CCSER1: variants seen among roughly 807,000 people sequenced by gnomAD.
CCSER1 encodes serine-rich coiled-coil domain-containing protein 1.
CCSER1 carries 41 observed loss-of-function variants against 82.0 expected under a neutral mutation model. That is an observed-to-expected ratio of 0.50 (90% CI 0.39 to 0.65). CCSER1 has a LOEUF of 0.65. CCSER1 is among the 30% of genes least tolerant of loss of function. CCSER1 has a pLI of 0.00. For synonymous variants in CCSER1, 414 were observed against 383.9 expected, an observed-to-expected ratio of 1.08 and a Z score of -0.92; for missense variants, 1,119 against 1,064.2, an observed-to-expected ratio of 1.05 and a Z score of -0.72.
At chr4:90,479,040 T>A (rs1177591146) in intron 5 of CCSER1, among the ~76,000 whole-genome samples, 1 of 152,128 alleles carries the variant, frequency 6.6e-6, no homozygotes, top group Admixed American at 6.5e-5. Context: ...CGCGGGCCTG[T>A]ACTTTCTTTT....
intron 8 of CCSER1, among the ~76,000 whole-genome samples, chr4:90,891,623 A>G (rs750157015): frequency 7.2e-5 from 11 of 152,020 alleles, no homozygotes; most frequent in Non-Finnish European, 1.6e-4. Flanking sequence ...ATATATGCCA[A>G]TGTATCAAAA....
intron 5 of CCSER1, among the ~76,000 whole-genome samples, chr4:90,477,804 C>T (rs773086291): frequency 2.6e-5 from 4 of 151,476 alleles, no homozygotes; most frequent in African/African-American, 7.3e-5. Flanking sequence ...TCTTTTATTT[C>T]GAAGGTAGAA....
In CCSER1 at chr4:90,230,117, G is replaced by A. The variant is rs574800232; in HGVS notation, c.-41-78127G>A. Reference sequence around the variant, plus strand: ...AGTTGGACTCAGCTCTGCACCAAGCGGACCTAATAGACATCTACAGAACTC... The same window carrying A: ...AGTTGGACTCAGCTCTGCACCAAGCAGACCTAATAGACATCTACAGAACTC... On this transcript the variant is annotated intron_variant, in intron 1 of 10. Transcript: ENST00000509176. Among the ~76,000 whole-genome samples, 83 of 152,100 alleles carry A rather than the reference G, an allele frequency of 5.5e-4. 1 individual carries two copies. Among genetic ancestry groups the A allele is most frequent in the South Asian group, 4.2e-4 (2 of 4,804 alleles).
chr4:91,049,630 G>A lies in CCSER1; in HGVS notation c.2173-36320G>A, dbSNP rs77032225. On this transcript the variant is annotated intron_variant, in intron 9 of 10. Coordinates refer to ENST00000509176, the MANE Select transcript of CCSER1 (RefSeq NM_001145065.2). Reference sequence around the variant, plus strand: ...AGATACATAAACTGGTGAGAGAACAGTAATCAAATTGTGTCATTCTTTGTG... The same window carrying A: ...AGATACATAAACTGGTGAGAGAACAATAATCAAATTGTGTCATTCTTTGTG... Among the ~76,000 whole-genome samples the A allele has an allele frequency of 7.9e-3, 1,196 of 152,304 alleles. 8 individuals carry two copies. Among genetic ancestry groups the A allele is most frequent in the Middle Eastern group, 0.031 (9 of 294 alleles).
At chr4:90,587,647 C>G (rs528558876) in intron 5 of CCSER1, among the ~76,000 whole-genome samples, 2 of 152,220 alleles carry the variant, frequency 1.3e-5, no homozygotes, top group African/African-American at 4.8e-5. Flanking sequence ...AAACTGGATC[C>G]TAGATTAAGC....
intron 3 of CCSER1, among the ~76,000 whole-genome samples, chr4:90,399,661 C>A (rs1426636932): frequency 6.6e-6 from 1 of 151,948 alleles, no homozygotes; most frequent in Non-Finnish European, 1.5e-5. Context: ...TTTTTAATAT[C>A]ACTAAAGAAG....
At chr4:90,451,396 G>A (rs1002374704) in intron 4 of CCSER1, among the ~76,000 whole-genome samples, 61 of 152,294 alleles carry the variant, frequency 4.0e-4, no homozygotes, top group African/African-American at 1.4e-3. Flanking sequence ...CATCCTTTGG[G>A]TTCCAGGGGG....
chr4:90,500,975 T>C (rs1298858905), intron 5 of CCSER1, among the ~76,000 whole-genome samples: 1 of 151,970 alleles, frequency 6.6e-6, no homozygotes, highest in African/African-American at 2.4e-5. Context: ...TGAAGGAGAA[T>C]ATGGCTCTAT....
chr4:90,772,926 G>C (rs1213603498), intron 7 of CCSER1, among the ~76,000 whole-genome samples: 3 of 152,236 alleles, frequency 2.0e-5, no homozygotes, highest in Middle Eastern at 3.4e-3. Context: ...ATTCCAAAAA[G>C]AGTAAAGAGC....
At position 90,391,444 on chromosome 4, in the gene CCSER1, GTATATATATATATA is replaced by G. The variant is rs770320334; in HGVS notation, c.1510-8563_1510-8550del. On this transcript the variant is annotated intron_variant, in intron 3 of 10. Transcript: ENST00000509176. Reference sequence around the variant, plus strand: ...ACCCTATATATATAAATATATGGGGGTATATATATATATATATATATATATATATATATATATAT... The same window carrying G: ...ACCCTATATATATAAATATATGGGGGTATATATATATATATATATATATAT... Among the ~76,000 whole-genome samples, 76 of 37,490 alleles carry G rather than the reference GTATATATATATATA, an allele frequency of 2.0e-3. 1 individual carries two copies. The highest frequency in any genetic ancestry group is 4.6e-3 in the Admixed American group (12 of 2,616). The allele number at this position is 37,490 out of a possible 152,430, so 24.6% of individuals were successfully genotyped here.
intron 9 of CCSER1, among the ~76,000 whole-genome samples, chr4:91,081,271 C>T (rs927734679): frequency 9.9e-5 from 15 of 151,374 alleles, no homozygotes; most frequent in Non-Finnish European, 1.5e-4. Context: ...AATCGATAAA[C>T]GTAATCCATC....
chr4:90,242,867 C>A (rs1044276193), intron 1 of CCSER1, among the ~76,000 whole-genome samples: 1 of 152,108 alleles, frequency 6.6e-6, no homozygotes, highest in Non-Finnish European at 1.5e-5. Flanking sequence ...AAGTAATGAA[C>A]AGAGATACAA....
Position 90,722,479 on chromosome 4 carries a change from G to C in CCSER1, c.1933-1435G>C, listed in dbSNP as rs931390415. On this transcript the variant is annotated intron_variant, in intron 6 of 10. Transcript: ENST00000509176. The stretch of plus-strand genomic sequence containing the variant: ...CTCTATTATGTCATATAATCAGAGA[G>C]CGAGAGTCAGCAATTCATAATATTT... Among the ~76,000 whole-genome samples, 85 of 151,874 alleles carry C rather than the reference G, an allele frequency of 5.6e-4. 1 individual carries two copies. Among genetic ancestry groups the C allele is most frequent in the African/African-American group, 2.0e-3 (83 of 41,512 alleles).
At chr4:91,233,042 A>T (rs1028789515) in intron 10 of CCSER1, among the ~76,000 whole-genome samples, 3 of 151,812 alleles carry the variant, frequency 2.0e-5, no homozygotes, top group African/African-American at 7.2e-5. Flanking sequence ...AGGGGATTGG[A>T]GAGATCATTT....
Position 90,448,949 on chromosome 4 carries a change from G to T in CCSER1, c.1604-19285G>T, listed in dbSNP as rs576246792. ...GAATGAGGTATGCAGACAACTGGAG[G>T]GTGGACAAGGCAAAGAGGTGCTTTA... On this transcript the variant is annotated intron_variant, in intron 4 of 10. Coordinates refer to ENST00000509176, the MANE Select transcript of CCSER1 (RefSeq NM_001145065.2). Among the ~76,000 whole-genome samples the T allele has an allele frequency of 3.9e-5, 6 of 152,246 alleles. No individual in the cohort carries two copies. The South Asian group carries it at 1.0e-3, about 26-fold the overall frequency.
At chr4:91,210,062 C>A (rs761855878) in intron 10 of CCSER1, among the ~76,000 whole-genome samples, 2 of 151,636 alleles carry the variant, frequency 1.3e-5, no homozygotes, top group South Asian at 2.1e-4. Flanking sequence ...TCTGGAATAT[C>A]TTATTATGTC....
Position 91,203,455 on chromosome 4 carries a change from G to T in CCSER1, c.2217+117461G>T, listed in dbSNP as rs573533475. Among the ~76,000 whole-genome samples, 3 of 151,270 alleles carry T rather than the reference G, an allele frequency of 2.0e-5. No homozygotes were observed. The East Asian group carries it at 5.8e-4, about 29-fold the overall frequency. ...TGTTCCAGGTATTGGACTATAGCAA[G>T]AAAAAAAATGGCCTCATGGAGGTTA... On this transcript the variant is annotated intron_variant, in intron 10 of 10. Coordinates refer to ENST00000509176, the MANE Select transcript of CCSER1 (RefSeq NM_001145065.2).
chr4:91,241,966 G>GTATA (rs74321571), intron 10 of CCSER1, among the ~76,000 whole-genome samples: 3 of 151,172 alleles, frequency 2.0e-5, no homozygotes, highest in African/African-American at 7.3e-5. Flanking sequence ...AACTGTGTGC[G>GTATA]TATATATATA....
chr4:91,400,670 C>T (rs1358270711), intron 10 of CCSER1, among the ~76,000 whole-genome samples: 3 of 151,060 alleles, frequency 2.0e-5, no homozygotes, highest in African/African-American at 7.3e-5. Context: ...AGCATAACTG[C>T]AAGGCATGTG....
Sources: gnomAD v4.1 joint callset for allele counts (sites outside exome capture counted in the v4.1 genomes callset) on GRCh38, gnomAD v4.1.1 for gene constraint, MANE v1.5 for transcripts, NCBI Gene and HGNC (gene_info 2026-07-23, HGNC 2026-07-21) for gene names.